GRIP2: variants seen among roughly 807,000 people sequenced by gnomAD.
GRIP2 encodes the protein glutamate receptor-interacting protein 2.
GRIP2 carries 58 observed loss-of-function variants against 108.3 expected under a neutral mutation model. That is an observed-to-expected ratio of 0.54 (90% confidence interval 0.43 to 0.67). The LOEUF (loss-of-function observed/expected upper bound fraction) is 0.67, where lower values mean the gene tolerates loss of function less well. Ranked by LOEUF, GRIP2 falls within the 30% of genes least tolerant of loss-of-function variation. The pLI is 0.00. For synonymous variants in GRIP2, 586 were observed against 598.2 expected, an observed-to-expected ratio of 0.98 and a Z score of 0.30; for missense variants, 1,278 against 1,430.6, an observed-to-expected ratio of 0.89 and a Z score of 1.72.
chr3:14,520,290 A>G lies in GRIP2; in HGVS notation c.861-11T>C. Reference sequence around the variant, plus strand: ...TGCAGGGCTCCGCTCCTGGCCAGGCAGGGGAGTGAAGGCGGAGGCTGGTCC... The same window carrying G: ...TGCAGGGCTCCGCTCCTGGCCAGGCGGGGGAGTGAAGGCGGAGGCTGGTCC... On this transcript the variant is annotated splice_polypyrimidine_tract_variant and intron_variant, in intron 8 of 23. Coordinates refer to ENST00000621039, the MANE Select transcript of GRIP2 (RefSeq NM_001080423.4). The G allele has an allele frequency of 6.2e-7, 1 of 1,612,518 alleles. No homozygotes were observed. The highest frequency in any genetic ancestry group is 1.7e-4 in the Middle Eastern group (1 of 6,034).
intron 1 of GRIP2, among the ~76,000 whole-genome samples, chr3:14,547,991 C>T (rs957395052): frequency 2.0e-5 from 3 of 152,206 alleles, no homozygotes; most frequent in South Asian, 4.1e-4. Context: ...CAAAGAGGAT[C>T]TGCCACAAAA....
At position 14,522,837 on chromosome 3, in the gene GRIP2, C is replaced by T. The variant is rs899310398; in HGVS notation, c.566+163G>A. 3.3e-5 allele frequency: 21 copies of T among 627,564 alleles called. No homozygotes were observed. Among genetic ancestry groups the T allele is most frequent in the South Asian group, 2.4e-4 (13 of 53,690 alleles). 38.9% of individuals were successfully genotyped at this position (627,564 alleles called of 1,614,324 possible). A position where few individuals can be genotyped will look rare whatever the true frequency, so the allele number is the denominator to read the frequency against. ...GTTTCCCTCATTTGGGGTTACATCC[C>T]GGTTCCATCAACAACTCCCTGAATG... On this transcript the variant is annotated intron_variant, in intron 6 of 23. Coordinates refer to ENST00000621039, the MANE Select transcript of GRIP2 (RefSeq NM_001080423.4). The surrounding 1 kb of genome is among the most constrained non-coding windows in gnomAD (Gnocchi z 4.3).
the GRIP2 span, chr3:14,574,873 G>T: frequency 3.3e-6 from 1 of 303,082 alleles, no homozygotes; most frequent in Non-Finnish European, 6.4e-6. Flanking sequence ...ACATCATGCT[G>T]AATGAAAAGG....
chr3:14,509,469 C>T (rs1398160490), intron 17 of GRIP2, among the ~76,000 whole-genome samples: 3 of 152,260 alleles, frequency 2.0e-5, no homozygotes, highest in Admixed American at 6.5e-5. Context: ...GACCAGGGTA[C>T]TGGGGCACTG....
upstream of GRIP2, among the ~76,000 whole-genome samples, chr3:14,544,470 C>T (rs548126739): frequency 9.6e-4 from 146 of 152,288 alleles, no homozygotes; most frequent in African/African-American, 2.8e-3. Context: ...ACCAGCACAG[C>T]GAGGGCCTGG....
At chr3:14,558,456 GC>G (rs141675277), upstream of GRIP2, among the ~76,000 whole-genome samples, 3,808 of 152,296 alleles carry the variant, frequency 0.025, 140 homozygotes, top group African/African-American at 0.085. Context: ...CTCCATCAGT[GC>G]CTTTGGTAGG....
intron 9 of GRIP2, 33 bp downstream of exon 9, chr3:14,520,077 G>C (rs1032276234): frequency 1.9e-6 from 3 of 1,554,350 alleles, no homozygotes; most frequent in Non-Finnish European, 2.6e-6. Context: ...GACTGCCCAG[G>C]TTTGGGCCCT....
rs921474216 is a variant in GRIP2, at chr3:14,489,563, G to C, written c.*4102C>G. On this transcript the variant is annotated 3_prime_UTR_variant, in exon 24 of 24. Transcript: ENST00000621039. The stretch of plus-strand genomic sequence containing the variant: ...ATGAAAGAACCTGGATTCGCACCCG[G>C]GCCCATGAGCTCTTGGCTCTACTGG... 6.6e-6 allele frequency: 1 copy of C among 152,222 alleles called. No homozygotes were observed. The highest frequency in any genetic ancestry group is 1.5e-5 in the Non-Finnish European group (1 of 68,072). 9.4% of individuals were successfully genotyped at this position (152,222 alleles called of 1,614,324 possible).
At chr3:14,499,815 C>T (rs1554381) in intron 21 of GRIP2, among the ~76,000 whole-genome samples, 9,191 of 152,046 alleles carry the variant, frequency 0.06, 378 homozygotes, top group South Asian at 0.15. Context: ...TATTGGTTTC[C>T]CTGGGCCATG....
rs150652797 is a variant in GRIP2, at chr3:14,516,947, G to A, written c.1306+117C>T. Reference sequence around the variant, plus strand: ...CACTCATGTTATTTAACATTCCCACGCATACACCTGGAGCTCTGCCCAAAA... The same window carrying A: ...CACTCATGTTATTTAACATTCCCACACATACACCTGGAGCTCTGCCCAAAA... On this transcript the variant is annotated intron_variant, in intron 11 of 23. Transcript: ENST00000621039. The A allele has an allele frequency of 0.029, 27,509 of 948,072 alleles. 455 individuals are homozygous for A. The highest frequency in any genetic ancestry group is 0.033 in the Non-Finnish European group (22,592 of 690,730). 58.7% of individuals were successfully genotyped at this position (948,072 alleles called of 1,614,324 possible).
At chr3:14,594,282 G>A in the GRIP2 span, among the ~76,000 whole-genome samples, 1 of 152,210 alleles carries the variant, frequency 6.6e-6, no homozygotes, top group Non-Finnish European at 1.5e-5. Context: ...GCCAGTCTGT[G>A]CTGGGAGCTA....
intron 2 of GRIP2, 56 bp from the exon 3 acceptor site, chr3:14,525,628 C>G: frequency 1.2e-6 from 2 of 1,604,458 alleles, no homozygotes; most frequent in Non-Finnish European, 8.5e-7. Flanking sequence ...CCCCAGGCCC[C>G]CAGCTCTAAG....
At position 14,509,909 on chromosome 3, in the gene GRIP2, C is replaced by T. The variant is rs374400790; in HGVS notation, c.1989G>A (p.Gly663=). The T allele has an allele frequency of 1.0e-4, 155 of 1,549,980 alleles. No individual in the cohort carries two copies. Among genetic ancestry groups the T allele is most frequent in the Non-Finnish European group, 1.2e-4 (140 of 1,147,174 alleles). The change falls in exon 17 of 24, where the codon GGG becomes GGA. Residue 663 remains glycine, a synonymous_variant. Transcript: ENST00000621039. ...CCGAAATGGTGATGCCCAGGGGACC[C>T]CCGTAGCGCTTCAGCTCCACTGTGT... ...VSYTVELKRY[G]GPLGITISGT...
the GRIP2 span, chr3:14,574,563 G>T: frequency 1.4e-6 from 1 of 736,778 alleles, no homozygotes. Context: ...TGCCTCTGAT[G>T]GGGACTCAAA....
the GRIP2 span, among the ~76,000 whole-genome samples, chr3:14,596,217 C>G: frequency 6.6e-6 from 1 of 152,200 alleles, no homozygotes; most frequent in South Asian, 2.1e-4. Flanking sequence ...AGCAAGCCCT[C>G]TGGCAGGTAA....
intron 1 of GRIP2, among the ~76,000 whole-genome samples, chr3:14,547,993 G>C (rs1019248090): frequency 1.3e-5 from 2 of 152,194 alleles, no homozygotes; most frequent in Admixed American, 6.5e-5. Flanking sequence ...AAGAGGATCT[G>C]CCACAAAACC....
intron 4 of GRIP2, 109 bp from the exon 5 acceptor site, chr3:14,523,807 A>C (rs904215848): frequency 3.2e-4 from 244 of 766,488 alleles, no homozygotes; most frequent in Non-Finnish European, 1.1e-4. Flanking sequence ...CAGAGATTAC[A>C]GGGAGGGTAA....
chr3:14,522,071 C>T lies in GRIP2; in HGVS notation c.567-284G>A. 2 of 433,510 alleles carry T rather than the reference C, an allele frequency of 4.6e-6. No homozygotes were observed. The highest frequency in any genetic ancestry group is 8.2e-6 in the Non-Finnish European group (2 of 244,774). The allele number at this position is 433,510 out of a possible 1,614,324, so 26.9% of individuals were successfully genotyped here. A position where few individuals can be genotyped will look rare whatever the true frequency, so the allele number is the denominator to read the frequency against. ...AGTAATTCACAGACTCAGTGCAGAACCCTGAAATGTCTGAGCTGGGGGTGC... is the reference window on the plus strand; with the variant it reads ...AGTAATTCACAGACTCAGTGCAGAATCCTGAAATGTCTGAGCTGGGGGTGC... On this transcript the variant is annotated intron_variant, in intron 6 of 23. Transcript: ENST00000621039. The surrounding 1 kb of genome is among the most constrained non-coding windows in gnomAD (Gnocchi z 4.3).
At chr3:14,526,075 T>C (rs1694546969) in intron 1 of GRIP2, 144 bp from the exon 2 acceptor site, 2 of 692,074 alleles carry the variant, frequency 2.9e-6, no homozygotes, top group Admixed American at 4.5e-5. Flanking sequence ...GATTCTCTGC[T>C]GGAGAATCCT....
Sources: gnomAD v4.1 joint callset for allele counts (sites outside exome capture counted in the v4.1 genomes callset) on GRCh38, gnomAD v4.1.1 for gene constraint, Gnocchi (gnomAD v3.1) non-coding constraint, MANE v1.5 for transcripts, NCBI Gene and HGNC (gene_info 2026-07-23, HGNC 2026-07-21) for gene names.